BRINP3: variants seen among roughly 807,000 people sequenced by gnomAD.
BRINP3 encodes BMP/retinoic acid inducible neural specific 3, also known as BMP/retinoic acid-inducible neural-specific protein 3.
Under a neutral mutation model 71.0 loss-of-function variants are expected in BRINP3, and 19 were observed. The ratio of observed to expected loss-of-function variants is 0.27; its 90% confidence interval spans 0.19 to 0.39. The LOEUF (loss-of-function observed/expected upper bound fraction) is 0.39, where lower values mean the gene tolerates loss of function less well. BRINP3 is among the 10% of genes least tolerant of loss of function. BRINP3 has a pLI of 1.00. For missense variants in BRINP3, 959 were observed against 940.8 expected (o/e 1.02, Z -0.25); for synonymous variants, 380 against 337.7 (o/e 1.13, Z -1.37).
chr1:190,122,006 T>G (rs898659353), intron 7 of BRINP3, among the ~76,000 whole-genome samples: 9 of 152,196 alleles, frequency 5.9e-5, no homozygotes, highest in Non-Finnish European at 1.2e-4. Context: ...AATATTACTG[T>G]GAAGAATATT....
intron 4 of BRINP3, among the ~76,000 whole-genome samples, chr1:190,237,411 G>T (rs1658626087): frequency 6.6e-6 from 1 of 151,506 alleles, no homozygotes; most frequent in Admixed American, 6.6e-5. Context: ...AAATAAAAAT[G>T]TAAAGAAAAT....
intron 6 of BRINP3, among the ~76,000 whole-genome samples, chr1:190,213,753 T>C (rs1409065535): frequency 7.3e-5 from 11 of 151,526 alleles, no homozygotes; most frequent in Admixed American, 5.3e-4. Flanking sequence ...AATTGCACAA[T>C]TGAAATGAGA....
intron 6 of BRINP3, among the ~76,000 whole-genome samples, chr1:190,189,870 A>T (rs2249762): frequency 0.61 from 93,260 of 151,938 alleles, 30,002 homozygotes; most frequent in African/African-American, 0.83. Context: ...AGGTACTTAG[A>T]CTTTATAGAC....
intron 7 of BRINP3, among the ~76,000 whole-genome samples, chr1:190,146,255 T>C (rs183965385): frequency 9.2e-5 from 14 of 152,314 alleles, no homozygotes; most frequent in Admixed American, 9.2e-4. Context: ...CCTTATTAGA[T>C]TATGATAAAA....
At chr1:190,305,871 G>A (rs1001167746) in intron 2 of BRINP3, among the ~76,000 whole-genome samples, 1 of 151,728 alleles carries the variant, frequency 6.6e-6, no homozygotes, top group East Asian at 1.9e-4. Context: ...ATTACATAAT[G>A]TGTACATATA....
intron 4 of BRINP3, among the ~76,000 whole-genome samples, chr1:190,247,908 A>G (rs919108576): frequency 4.6e-5 from 7 of 151,910 alleles, no homozygotes; most frequent in Non-Finnish European, 1.0e-4. Flanking sequence ...TTGGGGTCTT[A>G]CATTTATGGG....
At chr1:190,458,842 T>A (rs1419471588) in intron 1 of BRINP3, among the ~76,000 whole-genome samples, 2 of 151,900 alleles carry the variant, frequency 1.3e-5, no homozygotes, top group African/African-American at 4.8e-5. Flanking sequence ...GAATTTAATA[T>A]TCATAACCAA....
chr1:190,304,474 A>C (rs984933807), intron 2 of BRINP3, among the ~76,000 whole-genome samples: 2 of 151,922 alleles, frequency 1.3e-5, no homozygotes, highest in African/African-American at 4.8e-5. Context: ...AAATAAATCC[A>C]TGTAGTTATA....
chr1:190,214,727 A>C (rs554977460), intron 6 of BRINP3, among the ~76,000 whole-genome samples: 1 of 152,076 alleles, frequency 6.6e-6, no homozygotes, highest in South Asian at 2.1e-4. Context: ...AGACATAGCA[A>C]AACTCACAGC....
At chr1:190,386,218 C>T (rs1354291064) in intron 2 of BRINP3, among the ~76,000 whole-genome samples, 1 of 144,808 alleles carries the variant, frequency 6.9e-6, no homozygotes, top group Admixed American at 7.1e-5. Context: ...TACCCTAAAA[C>T]TTAAAGTATA....
At chr1:190,420,776 G>C (rs1673323814) in intron 2 of BRINP3, among the ~76,000 whole-genome samples, 1 of 151,824 alleles carries the variant, frequency 6.6e-6, no homozygotes, top group South Asian at 2.1e-4. Context: ...GGTATCATCA[G>C]CTATCTCATT....
chr1:190,365,518 A>C (rs1399623008), intron 2 of BRINP3, among the ~76,000 whole-genome samples: 3 of 148,226 alleles, frequency 2.0e-5, no homozygotes, highest in Non-Finnish European at 4.5e-5. Context: ...TGATAATTAT[A>C]TTATAATTAT....
At chr1:190,448,184 A>C (rs1323523658) in intron 2 of BRINP3, among the ~76,000 whole-genome samples, 2 of 151,736 alleles carry the variant, frequency 1.3e-5, no homozygotes, top group Non-Finnish European at 3.0e-5. Flanking sequence ...TTTTCTGAGC[A>C]AACAGTTTAA....
At chr1:190,302,518 T>C (rs1664808915) in intron 2 of BRINP3, among the ~76,000 whole-genome samples, 1 of 151,824 alleles carries the variant, frequency 6.6e-6, no homozygotes, top group African/African-American at 2.4e-5. Context: ...TGGATTTGTA[T>C]GAACTCTCAC....
intron 2 of BRINP3, among the ~76,000 whole-genome samples, chr1:190,448,146 T>C (rs531417592): frequency 6.6e-6 from 1 of 151,766 alleles, no homozygotes; most frequent in Non-Finnish European, 1.5e-5. Flanking sequence ...TAAAACAATA[T>C]GTAGTACTAT....
intron 2 of BRINP3, among the ~76,000 whole-genome samples, chr1:190,298,764 C>T (rs551119381): frequency 1.3e-5 from 2 of 151,968 alleles, no homozygotes; most frequent in African/African-American, 4.8e-5. Context: ...ACCCGGGGGC[C>T]CTGAAAATGT....
intron 1 of BRINP3, among the ~76,000 whole-genome samples, chr1:190,469,875 G>T (rs1571399503): frequency 6.6e-6 from 1 of 151,030 alleles, no homozygotes; most frequent in East Asian, 1.9e-4. Context: ...TTTTTAATAT[G>T]ATATTTGAAT....
chr1:190,167,048 C>T (rs897855573), intron 6 of BRINP3, among the ~76,000 whole-genome samples: 9 of 151,860 alleles, frequency 5.9e-5, no homozygotes, highest in African/African-American at 2.2e-4. Flanking sequence ...TTTACTGTTT[C>T]CTGTGTAGCA....
At chr1:190,427,557 G>A (rs952045432) in intron 2 of BRINP3, among the ~76,000 whole-genome samples, 6 of 152,004 alleles carry the variant, frequency 3.9e-5, no homozygotes, top group Non-Finnish European at 8.8e-5. Flanking sequence ...GTGACTCACT[G>A]TTAAAGGTAA....
Sources: allele counts gnomAD v4.1 joint callset (sites outside exome capture counted in the v4.1 genomes callset), GRCh38; gene constraint gnomAD v4.1.1; transcripts MANE v1.5; gene names NCBI Gene and HGNC (gene_info 2026-07-23, HGNC 2026-07-21).